Variants in UBE2D3 observed in about 807,000 individuals in gnomAD.
The protein encoded by UBE2D3 is ubiquitin conjugating enzyme E2 D3, also known as ubiquitin-conjugating enzyme E2 D3.
In UBE2D3, 2 loss-of-function variants were observed where a neutral mutation model predicts 22.8. That is an observed-to-expected ratio of 0.09 (90% CI 0.04 to 0.28). The LOEUF is 0.28. UBE2D3 is among the 10% of genes least tolerant of loss of function. The pLI is 1.00. For synonymous variants in UBE2D3, 56 were observed against 60.4 expected, an observed-to-expected ratio of 0.93 and a Z score of 0.34; for missense variants, 27 against 182.5, an observed-to-expected ratio of 0.15 and a Z score of 4.91.
intron 1 of UBE2D3, chr4:102,826,853 G>A: frequency 3.6e-6 from 4 of 1,119,548 alleles, no homozygotes; most frequent in Middle Eastern, 3.8e-4. Flanking sequence ...CTCTAGAAAG[G>A]AAGAGACCCG....
chr4:102,858,403 T>C (rs1048425654), intron 1 of UBE2D3, among the ~76,000 whole-genome samples: 2 of 152,012 alleles, frequency 1.3e-5, no homozygotes, highest in African/African-American at 4.8e-5. Context: ...TTCTTTGTGA[T>C]GTTTTTCTTG....
intron 1 of UBE2D3, among the ~76,000 whole-genome samples, chr4:102,849,261 G>A (rs529570267): frequency 1.2e-4 from 18 of 150,798 alleles, no homozygotes; most frequent in Admixed American, 2.6e-4. Flanking sequence ...GTACTTGGGA[G>A]GCTAAGGTAG....
At chr4:102,835,828 A>T (rs754358499) in intron 1 of UBE2D3, among the ~76,000 whole-genome samples, 1 of 152,158 alleles carries the variant, frequency 6.6e-6, no homozygotes, top group African/African-American at 2.4e-5. Context: ...GAACTTCACC[A>T]CAAGTTTCCT....
intron 4 of UBE2D3, chr4:102,809,133 T>C: frequency 3.3e-6 from 1 of 302,884 alleles, no homozygotes; most frequent in Non-Finnish European, 7.3e-6. Context: ...TTCTGAATAT[T>C]CAATTATCCA....
At chr4:102,839,479 C>G (rs1731620327) in intron 1 of UBE2D3, among the ~76,000 whole-genome samples, 2 of 152,234 alleles carry the variant, frequency 1.3e-5, no homozygotes, top group Middle Eastern at 6.8e-3. Context: ...CACCATATTG[C>G]CCAGGCTTGT....
intron 1 of UBE2D3, among the ~76,000 whole-genome samples, chr4:102,834,769 CT>C (rs1229110359): frequency 2.0e-3 from 280 of 143,030 alleles, no homozygotes; most frequent in Middle Eastern, 7.5e-3. Context: ...AAAGATTCAA[CT>C]TTTTTTTTTT....
At chr4:102,850,333 T>G (rs1248239484) in intron 1 of UBE2D3, among the ~76,000 whole-genome samples, 1 of 99,984 alleles carries the variant, frequency 1.0e-5, no homozygotes, top group African/African-American at 5.6e-5. Flanking sequence ...AAATCACTCA[T>G]TTTTGCATAT....
chr4:102,859,279 G>A (rs1164181406), intron 1 of UBE2D3, among the ~76,000 whole-genome samples: 1 of 151,968 alleles, frequency 6.6e-6, no homozygotes, highest in African/African-American at 2.4e-5. Context: ...CCTGCTGAAA[G>A]TCTTATAGGA....
At chr4:102,817,557 G>C (rs1254310097) in intron 2 of UBE2D3, among the ~76,000 whole-genome samples, 2 of 152,138 alleles carry the variant, frequency 1.3e-5, no homozygotes, top group South Asian at 2.1e-4. Flanking sequence ...TTTCAAAAAG[G>C]TTCCTTTCTC....
At chr4:102,863,632 T>C (rs1733006295) in intron 1 of UBE2D3, among the ~76,000 whole-genome samples, 1 of 152,080 alleles carries the variant, frequency 6.6e-6, no homozygotes. Flanking sequence ...TAGCTGGGGT[T>C]ACAGGTATGT....
chr4:102,849,157 C>T (rs1732206661), intron 1 of UBE2D3, among the ~76,000 whole-genome samples: 1 of 151,254 alleles, frequency 6.6e-6, no homozygotes, highest in Admixed American at 6.6e-5. Context: ...GGCTTGAGCC[C>T]AGGAGTTTGA....
At position 102,834,168 on chromosome 4, in the gene UBE2D3, A is replaced by G. The variant is rs1159912860; in HGVS notation, c.-128-7532T>C. Among the ~76,000 whole-genome samples the G allele has an allele frequency of 2.0e-5, 3 of 152,202 alleles. No individual in the cohort carries two copies. The East Asian group carries it at 5.8e-4, about 29-fold the overall frequency. Reference sequence around the variant, plus strand: ...CATTATCAATTGCTTCCTAACAGAAACCAGTAAGCTTTCTTTTTCCCCCTT... The same window carrying G: ...CATTATCAATTGCTTCCTAACAGAAGCCAGTAAGCTTTCTTTTTCCCCCTT... On this transcript the variant is annotated intron_variant, in intron 1 of 7. Coordinates refer to the UBE2D3 transcript ENST00000338145.
intron 1 of UBE2D3, among the ~76,000 whole-genome samples, chr4:102,841,017 T>A (rs58582557): frequency 8.8e-4 from 124 of 140,596 alleles, no homozygotes; most frequent in Admixed American, 1.6e-3. Context: ...AAGACTCTTT[T>A]AAAAAAAAAA....
Position 102,795,303 on chromosome 4 carries a change from A to C in UBE2D3, c.*2112T>G, listed in dbSNP as rs1348639851. On this transcript the variant is annotated 3_prime_UTR_variant, in exon 8 of 8. Transcript: ENST00000453744. The stretch of plus-strand genomic sequence containing the variant: ...CAGTTAGGGATCCACCGTGTTTCAT[A>C]AAAGTGTCTTACACTCATGTTTGGC... 1 of 152,106 alleles carries C rather than the reference A, an allele frequency of 6.6e-6. No homozygotes were observed. Among genetic ancestry groups the C allele is most frequent in the East Asian group, 1.9e-4 (1 of 5,206 alleles). 9.4% of individuals were successfully genotyped at this position (152,106 alleles called of 1,614,324 possible).
upstream of UBE2D3, chr4:102,827,997 G>A (rs1047598003): frequency 2.7e-5 from 27 of 985,360 alleles, no homozygotes; most frequent in Admixed American, 7.4e-4. Context: ...TAACCGAAGC[G>A]GTAGCTCTGC....
At chr4:102,807,848 G>A (rs1578233183) in intron 4 of UBE2D3, among the ~76,000 whole-genome samples, 3 of 152,188 alleles carry the variant, frequency 2.0e-5, no homozygotes, top group East Asian at 3.9e-4. Context: ...TGCCTTTTGG[G>A]AAAAACTAGT....
chr4:102,845,262 T>A (rs1051205810), intron 1 of UBE2D3, among the ~76,000 whole-genome samples: 5 of 152,182 alleles, frequency 3.3e-5, no homozygotes, highest in South Asian at 4.1e-4. Flanking sequence ...ATATTTTCCT[T>A]TCTCTAGTGA....
At chr4:102,864,425 G>A (rs184393) in intron 1 of UBE2D3, among the ~76,000 whole-genome samples, 84,311 of 150,154 alleles carry the variant, frequency 0.56, 24,316 homozygotes, top group African/African-American at 0.73. Flanking sequence ...TAAATCAAAG[G>A]ATGTTTAGTG....
intron 4 of UBE2D3, among the ~76,000 whole-genome samples, chr4:102,804,402 C>A (rs190578277): frequency 2.6e-5 from 4 of 152,196 alleles, no homozygotes; most frequent in Admixed American, 2.6e-4. Flanking sequence ...AGGTGATCCG[C>A]CTGCCTCAGC....
Sources: allele counts gnomAD v4.1 joint callset (sites outside exome capture counted in the v4.1 genomes callset), GRCh38; gene constraint gnomAD v4.1.1; transcripts MANE v1.5; gene names NCBI Gene and HGNC (gene_info 2026-07-23, HGNC 2026-07-21).